Variants in OCA2 observed in about 807,000 individuals in gnomAD.
OCA2 encodes P protein.
In OCA2, 77 loss-of-function variants were observed where a neutral mutation model predicts 100.2. The observed-to-expected ratio is 0.77, with a 90% confidence interval of 0.64 to 0.93. OCA2 has a LOEUF of 0.93. Among genes scored for constraint, OCA2 ranks in the 40% least tolerant of loss-of-function variants. OCA2 has a pLI of 0.00. For missense variants in OCA2, 1,062 were observed against 1,089.1 expected (o/e 0.98, Z 0.35); for synonymous variants, 432 against 439.2 (o/e 0.98, Z 0.21).
At chr15:27,730,236 T>C in the OCA2 span, among the ~76,000 whole-genome samples, 1 of 152,142 alleles carries the variant, frequency 6.6e-6, no homozygotes, top group African/African-American at 2.4e-5. Context: ...CAGTTAATTA[T>C]AGAGGATACA....
intron 14 of OCA2, among the ~76,000 whole-genome samples, chr15:27,978,092 G>C (rs181723448): frequency 9.1e-4 from 139 of 152,280 alleles, no homozygotes; most frequent in Admixed American, 2.5e-3. Context: ...TTAGTTTCCA[G>C]ATATTTGAGG....
chr15:27,940,097 T>A (rs1332257206), intron 18 of OCA2, among the ~76,000 whole-genome samples: 9 of 152,156 alleles, frequency 5.9e-5, no homozygotes, highest in Non-Finnish European at 1.2e-4. Flanking sequence ...CTCAGGCTCC[T>A]CAAAATCCAA....
intron 12 of OCA2, among the ~76,000 whole-genome samples, chr15:27,985,399 T>G (rs1439318033): frequency 1.3e-5 from 2 of 152,096 alleles, no homozygotes; most frequent in African/African-American, 2.4e-5. Flanking sequence ...TAGCCAGCAC[T>G]GTCACCCCTC....
At chr15:27,775,249 G>A (rs1157861704) in intron 23 of OCA2, among the ~76,000 whole-genome samples, 2 of 152,088 alleles carry the variant, frequency 1.3e-5, no homozygotes, top group African/African-American at 2.4e-5. Flanking sequence ...CACAGTTGGC[G>A]GCCTGTTTTC....
intron 23 of OCA2, among the ~76,000 whole-genome samples, chr15:27,827,033 C>T (rs751204063): frequency 1.3e-5 from 2 of 152,230 alleles, no homozygotes; most frequent in Non-Finnish European, 2.9e-5. Flanking sequence ...CCCTGTGGGG[C>T]TCAGCAATCC....
At chr15:28,059,387 G>A in intron 2 of OCA2, among the ~76,000 whole-genome samples, 1 of 152,212 alleles carries the variant, frequency 6.6e-6, no homozygotes, top group East Asian at 1.9e-4. Flanking sequence ...ATCATCAGAA[G>A]GATAAGATAG....
the OCA2 span, among the ~76,000 whole-genome samples, chr15:27,720,030 T>A: frequency 6.6e-6 from 1 of 152,128 alleles, no homozygotes; most frequent in Non-Finnish European, 1.5e-5. Context: ...AAATTTAAAC[T>A]CTCTGAGGAT....
At chr15:28,031,532 C>T (rs1256320334) in intron 3 of OCA2, among the ~76,000 whole-genome samples, 2 of 152,334 alleles carry the variant, frequency 1.3e-5, no homozygotes, top group East Asian at 3.9e-4. Flanking sequence ...CCAGAACCAC[C>T]CTGATTTGTG....
chr15:28,095,061 A>G (rs978512684), intron 1 of OCA2, among the ~76,000 whole-genome samples: 61 of 152,252 alleles, frequency 4.0e-4, no homozygotes, highest in African/African-American at 1.4e-3. Context: ...GCAGCAGCCA[A>G]GAGAGCGGTG....
In OCA2 at chr15:27,971,566, G is replaced by A. The variant is rs115386670; in HGVS notation, c.1504-4744C>T. Among the ~76,000 whole-genome samples, 1,055 of 152,184 alleles carry A rather than the reference G, an allele frequency of 6.9e-3. 17 individuals carry two copies. The highest frequency in any genetic ancestry group is 0.024 in the African/African-American group (978 of 41,486). ...GGAATAAGTGGTTGTCCATGTGGTG[G>A]GTCCTGGAGGTCCTCCCTACCTACC... On this transcript the variant is annotated intron_variant, in intron 14 of 23. Coordinates refer to ENST00000354638, the MANE Select transcript of OCA2 (RefSeq NM_000275.3).
At position 27,827,773 on chromosome 15, in the gene OCA2, CTGT is replaced by C. The variant is rs764094433; in HGVS notation, c.2432+17183_2432+17185del. ...CGTATTTAAAATAAGCATAATCATACTGTTGTTGTTTTAATCAGGAAGAAAGTA... is the reference window on the plus strand; with the variant it reads ...CGTATTTAAAATAAGCATAATCATACTGTTGTTTTAATCAGGAAGAAAGTA... On this transcript the variant is annotated intron_variant, in intron 23 of 23. Transcript: ENST00000354638. 3.3e-5 allele frequency among the ~76,000 whole-genome samples: 5 copies of C among 152,252 alleles called. No individual in the cohort carries two copies. The South Asian group carries it at 6.2e-4, about 19-fold the overall frequency.
the OCA2 span, among the ~76,000 whole-genome samples, chr15:27,744,266 TAA>T: frequency 6.6e-6 from 1 of 152,186 alleles, no homozygotes; most frequent in Non-Finnish European, 1.5e-5. Flanking sequence ...CAAAAGTTGA[TAA>T]ATTCATTAAA....
chr15:27,771,386 TA>T (rs35814221), intron 23 of OCA2, among the ~76,000 whole-genome samples: 233 of 131,608 alleles, frequency 1.8e-3, no homozygotes, highest in Middle Eastern at 4.2e-3. Context: ...GAGAGAAGCC[TA>T]AAAAAAAAAA....
intron 23 of OCA2, among the ~76,000 whole-genome samples, chr15:27,805,523 C>T (rs2033799773): frequency 6.6e-6 from 1 of 152,192 alleles, no homozygotes; most frequent in South Asian, 2.1e-4. Flanking sequence ...AGCACGAGGC[C>T]CTGGGAGCGC....
At chr15:27,859,409 TTG>T (rs1455610523) in intron 21 of OCA2, among the ~76,000 whole-genome samples, 1 of 152,104 alleles carries the variant, frequency 6.6e-6, no homozygotes, top group Non-Finnish European at 1.5e-5. Flanking sequence ...TGCCAACAAA[TTG>T]TGTTAACTAA....
chr15:28,082,148 G>A (rs1165281644), intron 1 of OCA2, among the ~76,000 whole-genome samples: 1 of 152,182 alleles, frequency 6.6e-6, no homozygotes, highest in Non-Finnish European at 1.5e-5. Context: ...TCTGTGTCTA[G>A]CTAGAGGATT....
the OCA2 span, among the ~76,000 whole-genome samples, chr15:27,727,921 C>T: frequency 1.3e-5 from 2 of 152,266 alleles, no homozygotes; most frequent in Non-Finnish European, 1.5e-5. Context: ...TTTAAGACAA[C>T]GTATTCACAG....
chr15:28,047,257 C>T (rs2043373909), intron 2 of OCA2, among the ~76,000 whole-genome samples: 1 of 152,168 alleles, frequency 6.6e-6, no homozygotes, highest in Non-Finnish European at 1.5e-5. Flanking sequence ...CAGAATCCTC[C>T]TCCAGAGACT....
At chr15:27,797,204 C>G (rs1469085183) in intron 23 of OCA2, among the ~76,000 whole-genome samples, 1 of 152,164 alleles carries the variant, frequency 6.6e-6, no homozygotes, top group Non-Finnish European at 1.5e-5. Flanking sequence ...GAATTTCAGC[C>G]TTTGCAGAAG....
Sources: gnomAD v4.1 joint callset for allele counts (sites outside exome capture counted in the v4.1 genomes callset) on GRCh38, gnomAD v4.1.1 for gene constraint, MANE v1.5 for transcripts, NCBI Gene and HGNC (gene_info 2026-07-23, HGNC 2026-07-21) for gene names.